ENAH: variants seen among roughly 807,000 people sequenced by gnomAD.
The protein encoded by ENAH is protein enabled homolog.
Under a neutral mutation model 78.7 loss-of-function variants are expected in ENAH, and 23 were observed. The ratio of observed to expected loss-of-function variants is 0.29; its 90% CI spans 0.21 to 0.41. The LOEUF (loss-of-function observed/expected upper bound fraction) is 0.41. Ranked by LOEUF, ENAH falls within the 10% of genes least tolerant of loss-of-function variation. ENAH has a pLI of 1.00. For synonymous variants in ENAH, 226 were observed against 241.0 expected (o/e 0.94, Z 0.58); for missense variants, 544 against 691.0 (o/e 0.79, Z 2.39).
intron 1 of ENAH, among the ~76,000 whole-genome samples, chr1:225,593,587 A>C (rs2096888752): frequency 2.0e-5 from 3 of 152,180 alleles, no homozygotes; most frequent in African/African-American, 7.2e-5. Flanking sequence ...AATATGATGA[A>C]AGCTAAGAGT....
intron 3 of ENAH, among the ~76,000 whole-genome samples, chr1:225,550,759 G>C (rs1309899210): frequency 1.3e-5 from 2 of 152,064 alleles, no homozygotes; most frequent in Non-Finnish European, 2.9e-5. Context: ...ATAAAACCCA[G>C]CAAAAGTAGT....
At chr1:225,614,775 T>C (rs919518512) in intron 1 of ENAH, among the ~76,000 whole-genome samples, 5 of 152,206 alleles carry the variant, frequency 3.3e-5, no homozygotes, top group Non-Finnish European at 5.9e-5. Flanking sequence ...TTAAGAGCTG[T>C]GTGCCAGGAA....
chr1:225,628,119 C>A (rs914260993), intron 1 of ENAH, among the ~76,000 whole-genome samples: 1 of 152,150 alleles, frequency 6.6e-6, no homozygotes, highest in African/African-American at 2.4e-5. Context: ...GGGTGTAATT[C>A]AGGATAGAAG....
rs1392324884 is a variant in ENAH at position 225,511,907 on chromosome 1, G to C, written c.1423-48C>G. On this transcript the variant is annotated intron_variant, in intron 9 of 13. Coordinates refer to ENST00000366843, the MANE Select transcript of ENAH (RefSeq NM_018212.6). ...ATATCACATCTACCAGTCCCCTGTT[G>C]CTATATACATTTAGTGTTTTACACG... 3 of 1,273,786 alleles carry C rather than the reference G, an allele frequency of 2.4e-6. No individual in the cohort carries two copies. The East Asian group carries it at 7.2e-5, about 30-fold the overall frequency. 78.9% of individuals were successfully genotyped at this position (1,273,786 alleles called of 1,614,324 possible). A position where few individuals can be genotyped will look rare whatever the true frequency, so the allele number is the denominator to read the frequency against.
At chr1:225,634,339 G>C (rs991608039) in intron 1 of ENAH, among the ~76,000 whole-genome samples, 2 of 152,164 alleles carry the variant, frequency 1.3e-5, no homozygotes, top group Non-Finnish European at 2.9e-5. Context: ...AGTAGTTGCT[G>C]ACATTTTACA....
At chr1:225,530,740 A>G (rs2096533719) in intron 3 of ENAH, 102 bp from the exon 4 acceptor site, 1 of 906,438 alleles carries the variant, frequency 1.1e-6, no homozygotes, top group African/African-American at 1.7e-5. Flanking sequence ...CATATTTACA[A>G]ACGTGTCTTC....
intron 1 of ENAH, among the ~76,000 whole-genome samples, chr1:225,582,535 T>C (rs1558854306): frequency 6.6e-6 from 1 of 152,162 alleles, no homozygotes; most frequent in Non-Finnish European, 1.5e-5. Context: ...ACAGACTTTC[T>C]AGCTTAAAGA....
At chr1:225,575,908 C>T (rs571176717) in intron 1 of ENAH, among the ~76,000 whole-genome samples, 3 of 152,198 alleles carry the variant, frequency 2.0e-5, no homozygotes, top group East Asian at 1.9e-4. Flanking sequence ...CCCTGAAATA[C>T]GACAGTGAAA....
chr1:225,505,160 G>C, intron 11 of ENAH: 2 of 749,360 alleles, frequency 2.7e-6, no homozygotes, highest in Admixed American at 5.1e-5. Context: ...AACAAGAATT[G>C]AGTCTATTAA....
chr1:225,633,068 C>T (rs1659399924), intron 1 of ENAH, among the ~76,000 whole-genome samples: 2 of 148,052 alleles, frequency 1.4e-5, no homozygotes, highest in African/African-American at 2.5e-5. Context: ...TGGAGTCTTG[C>T]TCTGTCGCCC....
Position 225,490,034 on chromosome 1 carries a change from G to A in ENAH, c.*7741C>T, listed in dbSNP as rs1473098077. On this transcript the variant is annotated 3_prime_UTR_variant, in exon 14 of 14. Transcript: ENST00000366843. ...GGAAAAAATAAAAACAAAACAAAAAGAATTTAAAAAAAGAACTCAACTTTA... is the reference window on the plus strand; with the variant it reads ...GGAAAAAATAAAAACAAAACAAAAAAAATTTAAAAAAAGAACTCAACTTTA... The A allele has an allele frequency of 6.6e-6, 1 of 151,936 alleles. No individual in the cohort carries two copies. The highest frequency in any genetic ancestry group is 2.4e-5 in the African/African-American group (1 of 41,350). 9.4% of individuals were successfully genotyped at this position (151,936 alleles called of 1,614,324 possible). A position where few individuals can be genotyped will look rare whatever the true frequency, so the allele number is the denominator to read the frequency against.
intron 2 of ENAH, 122 bp from the exon 3 acceptor site, chr1:225,555,205 T>C (rs2096660142): frequency 1.4e-6 from 1 of 736,444 alleles, no homozygotes; most frequent in South Asian, 3.4e-5. Context: ...AAAAATTGCT[T>C]AAACAATTAT....
intron 2 of ENAH, among the ~76,000 whole-genome samples, chr1:225,566,198 G>T (rs2096734002): frequency 6.6e-6 from 1 of 152,140 alleles, no homozygotes; most frequent in Non-Finnish European, 1.5e-5. Flanking sequence ...CTGATAGAAG[G>T]ATTTCTCTTG....
intron 2 of ENAH, among the ~76,000 whole-genome samples, chr1:225,558,672 C>T (rs1285522439): frequency 5.3e-5 from 6 of 112,292 alleles, no homozygotes; most frequent in Non-Finnish European, 9.8e-5. Flanking sequence ...CTCGCTCTGT[C>T]GCCCAGGCTG....
chr1:225,640,848 A>C (rs572706454), intron 1 of ENAH, among the ~76,000 whole-genome samples: 2 of 152,104 alleles, frequency 1.3e-5, no homozygotes, highest in Non-Finnish European at 2.9e-5. Flanking sequence ...CAAAGGAAAA[A>C]CATTTTTAAA....
At chr1:225,649,859 T>C (rs895918975) in intron 1 of ENAH, among the ~76,000 whole-genome samples, 5 of 152,224 alleles carry the variant, frequency 3.3e-5, no homozygotes, top group African/African-American at 1.2e-4. Context: ...TCATATCCTC[T>C]GTTCAGGATT....
intron 4 of ENAH, among the ~76,000 whole-genome samples, chr1:225,521,908 G>A (rs542898996): frequency 1.3e-5 from 2 of 151,956 alleles, no homozygotes; most frequent in East Asian, 3.9e-4. Context: ...CCATTCTCTT[G>A]CCTCAGCCTC....
chr1:225,564,796 TA>T (rs1242305999), intron 2 of ENAH, among the ~76,000 whole-genome samples: 1 of 152,046 alleles, frequency 6.6e-6, no homozygotes, highest in Non-Finnish European at 1.5e-5. Context: ...TTCATTTAAT[TA>T]ATATCTTTTT....
chr1:225,593,251 T>C (rs1460943441), intron 1 of ENAH, among the ~76,000 whole-genome samples: 2 of 151,978 alleles, frequency 1.3e-5, no homozygotes, highest in East Asian at 1.9e-4. Flanking sequence ...ATGAGTATTT[T>C]ATAATTCACC....
Sources: allele counts gnomAD v4.1 joint callset (sites outside exome capture counted in the v4.1 genomes callset), GRCh38; gene constraint gnomAD v4.1.1; transcripts MANE v1.5; gene names NCBI Gene and HGNC (gene_info 2026-07-23, HGNC 2026-07-21).